The following TMEM200A variants were observed in gnomAD, a reference collection of about 807,000 sequenced individuals.
The protein encoded by TMEM200A is transmembrane protein 200A.
A neutral mutation model predicts 24.3 loss-of-function variants in TMEM200A; 12 were observed. The observed-to-expected ratio is 0.49, with a 90% CI of 0.32 to 0.80. TMEM200A has a LOEUF of 0.80. Ranked by LOEUF, TMEM200A falls within the 30% of genes least tolerant of loss-of-function variation. TMEM200A has a pLI of 0.04. For missense variants in TMEM200A, 545 were observed against 614.4 expected, an observed-to-expected ratio of 0.89 and a Z score of 1.19; for synonymous variants, 224 against 224.4, an observed-to-expected ratio of 1.00 and a Z score of 0.02.
chr6:130,420,193 ATC>A (rs892611579), intron 2 of TMEM200A, among the ~76,000 whole-genome samples: 2 of 152,158 alleles, frequency 1.3e-5, no homozygotes, highest in African/African-American at 2.4e-5. Context: ...AGTTGTTTTA[ATC>A]TCTCTTTTAT....
Position 130,441,563 on chromosome 6 carries a change from C to T in TMEM200A, c.1141C>T (p.Gln381Ter). ...CTTGTCTCCTGGGGCTGCCAGAAGA[C>T]AGTTTGGGTCCAATACATCCTTGCA... ...QLLSPGAARR[Q>*]FGSNTSLHLL... is the part of the protein sequence containing the mutation. The change falls in exon 3 of 3, where the codon CAG (glutamine) becomes TAG (stop). Residue 381 changes from glutamine (Q) to a stop codon, truncating the protein, a stop_gained. Coordinates refer to ENST00000296978, the MANE Select transcript of TMEM200A (RefSeq NM_001258277.2). LOFTEE classifies it high-confidence loss of function. 1 of 1,614,080 alleles carries T rather than the reference C, an allele frequency of 6.2e-7. No individual in the cohort carries two copies. The highest frequency in any genetic ancestry group is 8.5e-7 in the Non-Finnish European group (1 of 1,179,992).
intron 2 of TMEM200A, among the ~76,000 whole-genome samples, chr6:130,428,333 ATT>A (rs1358659437): frequency 1.3e-5 from 2 of 152,098 alleles, no homozygotes; most frequent in African/African-American, 4.8e-5. Context: ...GATATTTAAT[ATT>A]GTCATTAATC....
intron 2 of TMEM200A, chr6:130,438,829 T>G (rs545782053): frequency 6.6e-6 from 1 of 152,306 alleles, no homozygotes; most frequent in African/African-American, 2.4e-5. Context: ...TAAAATGCTG[T>G]AAGGAGTTAA....
intron 2 of TMEM200A, among the ~76,000 whole-genome samples, chr6:130,394,139 C>T (rs143464162): frequency 6.6e-6 from 1 of 152,256 alleles, no homozygotes; most frequent in East Asian, 1.9e-4. Context: ...GTCCATTTCT[C>T]CAAACCTTAT....
intron 2 of TMEM200A, among the ~76,000 whole-genome samples, chr6:130,407,964 G>A (rs1167369199): frequency 6.6e-6 from 1 of 152,122 alleles, no homozygotes; most frequent in Non-Finnish European, 1.5e-5. Flanking sequence ...TATATTTGTA[G>A]TAAATGCCAT....
chr6:130,402,437 C>G (rs1283284650), intron 2 of TMEM200A, among the ~76,000 whole-genome samples: 1 of 151,930 alleles, frequency 6.6e-6, no homozygotes, highest in Non-Finnish European at 1.5e-5. Context: ...CTGGATAAGA[C>G]CCACAAAGGA....
At chr6:130,381,885 A>G in intron 1 of TMEM200A, 1 of 984,834 alleles carries the variant, frequency 1.0e-6, no homozygotes, top group Non-Finnish European at 1.2e-6. Flanking sequence ...ATTTGAAAGG[A>G]TGGTTAACCG....
At chr6:130,439,934 G>A (rs143129172) in intron 2 of TMEM200A, among the ~76,000 whole-genome samples, 139 of 152,202 alleles carry the variant, frequency 9.1e-4, no homozygotes, top group African/African-American at 2.7e-3. Context: ...CTCTTTGTCA[G>A]TCTGGAGTGT....
intron 2 of TMEM200A, among the ~76,000 whole-genome samples, chr6:130,415,648 A>C (rs1779432580): frequency 6.6e-6 from 1 of 152,108 alleles, no homozygotes; most frequent in Admixed American, 6.6e-5. Context: ...CATGCTCACG[A>C]GATATCCTTC....
chr6:130,437,204 G>A (rs1780042763), intron 2 of TMEM200A: 1 of 152,226 alleles, frequency 6.6e-6, no homozygotes, highest in Non-Finnish European at 1.5e-5. Flanking sequence ...ACCTCCTGTA[G>A]TACTGAGTTG....
intron 2 of TMEM200A, among the ~76,000 whole-genome samples, chr6:130,389,238 A>G (rs999670995): frequency 6.6e-6 from 1 of 152,182 alleles, no homozygotes; most frequent in Non-Finnish European, 1.5e-5. Flanking sequence ...TGAAATGACC[A>G]CAGCTTTTTA....
At chr6:130,426,982 T>A (rs562026400) in intron 2 of TMEM200A, among the ~76,000 whole-genome samples, 1 of 152,350 alleles carries the variant, frequency 6.6e-6, no homozygotes, top group African/African-American at 2.4e-5. Flanking sequence ...AAGTCTTTCT[T>A]TCCTGAACTT....
intron 2 of TMEM200A, among the ~76,000 whole-genome samples, chr6:130,410,985 A>G (rs569766800): frequency 2.6e-5 from 4 of 152,320 alleles, no homozygotes; most frequent in South Asian, 2.1e-4. Flanking sequence ...CCAGGTCAAC[A>G]TGGTGAAACC....
At chr6:130,408,071 G>C (rs188376) in intron 2 of TMEM200A, among the ~76,000 whole-genome samples, 1 of 152,188 alleles carries the variant, frequency 6.6e-6, no homozygotes, top group East Asian at 1.9e-4. Flanking sequence ...GTTTGGAGCA[G>C]TCTGGAGGCA....
intron 2 of TMEM200A, among the ~76,000 whole-genome samples, chr6:130,406,812 T>A (rs1409842450): frequency 6.6e-6 from 1 of 152,192 alleles, no homozygotes; most frequent in Non-Finnish European, 1.5e-5. Flanking sequence ...AAGACTCAAA[T>A]CTTAGCAAGA....
rs760128313 is a variant in TMEM200A at position 130,440,750 on chromosome 6, G to A, written c.328G>A (p.Gly110Ser). The A allele has an allele frequency of 1.1e-5, 17 of 1,613,788 alleles. No individual in the cohort carries two copies. Among genetic ancestry groups the A allele is most frequent in the African/African-American group, 2.7e-5 (2 of 74,890 alleles). ...AACTCAGGTCATTCGGAATGAAGGCGGTGTGGTGGTTCGCTTCTTTGAGCA... is the reference window on the plus strand; with the variant it reads ...AACTCAGGTCATTCGGAATGAAGGCAGTGTGGTGGTTCGCTTCTTTGAGCA... ...NETQVIRNEG[G>S]VVVRFFEQHL... is the part of the protein sequence containing the mutation. Residue 110 changes from glycine to serine, a missense_variant, in exon 3 of 3, where the codon GGT becomes AGT. Coordinates refer to ENST00000296978, the MANE Select transcript of TMEM200A (RefSeq NM_001258277.2).
At chr6:130,375,885 C>T (rs1278156301) in intron 1 of TMEM200A, among the ~76,000 whole-genome samples, 1 of 152,010 alleles carries the variant, frequency 6.6e-6, no homozygotes, top group Non-Finnish European at 1.5e-5. Flanking sequence ...ACATTAGAGA[C>T]TATATGTAGT....
At chr6:130,416,462 C>A (rs1779456729) in intron 2 of TMEM200A, among the ~76,000 whole-genome samples, 1 of 152,102 alleles carries the variant, frequency 6.6e-6, no homozygotes, top group Non-Finnish European at 1.5e-5. Context: ...GTTCTTATTA[C>A]AGTAAAAGGT....
chr6:130,389,782 C>T (rs1414151372), intron 2 of TMEM200A, among the ~76,000 whole-genome samples: 1 of 152,158 alleles, frequency 6.6e-6, no homozygotes, highest in Non-Finnish European at 1.5e-5. Context: ...AATTTCAAAA[C>T]TACTCAGTAA....
Sources: gnomAD v4.1 joint callset for allele counts (sites outside exome capture counted in the v4.1 genomes callset) on GRCh38, gnomAD v4.1.1 for gene constraint, MANE v1.5 for transcripts, NCBI Gene and HGNC (gene_info 2026-07-23, HGNC 2026-07-21) for gene names.